The following CAMK1D variants were observed in gnomAD, a reference collection of about 807,000 sequenced individuals.
The protein encoded by CAMK1D is calcium/calmodulin-dependent protein kinase type 1D.
A neutral mutation model predicts 47.7 loss-of-function variants in CAMK1D; 9 were observed. The ratio of observed to expected loss-of-function variants is 0.19; its 90% CI spans 0.11 to 0.33. The LOEUF (loss-of-function observed/expected upper bound fraction) is 0.33, where lower values mean the gene tolerates loss of function less well. CAMK1D is among the 10% of genes least tolerant of loss of function. The probability of loss-of-function intolerance (pLI) is 1.00; values close to 1 mark genes in which losing one functional copy is unlikely to be tolerated. For synonymous variants in CAMK1D, 184 were observed against 184.9 expected, an observed-to-expected ratio of 0.99 and a Z score of 0.04; for missense variants, 291 against 488.7, an observed-to-expected ratio of 0.60 and a Z score of 3.81.
chr10:12,774,915 C>T (rs1837214197), intron 5 of CAMK1D, among the ~76,000 whole-genome samples: 1 of 152,264 alleles, frequency 6.6e-6, no homozygotes, highest in South Asian at 2.1e-4. Flanking sequence ...TTCCGTGAAA[C>T]GGGTTCTTTG....
At chr10:12,753,611 G>A (rs1179450314) in intron 3 of CAMK1D, among the ~76,000 whole-genome samples, 2 of 152,276 alleles carry the variant, frequency 1.3e-5, no homozygotes, top group South Asian at 2.1e-4. Flanking sequence ...CCTTCTGCCC[G>A]GAATGCTTTT....
chr10:12,509,590 G>A (rs757984037), intron 1 of CAMK1D, among the ~76,000 whole-genome samples: 3 of 152,066 alleles, frequency 2.0e-5, no homozygotes, highest in Non-Finnish European at 4.4e-5. Flanking sequence ...CTACAAAAAC[G>A]AAACAAAATG....
rs192274108 is a variant in CAMK1D at position 12,354,494 on chromosome 10, C to T, written c.92+4584C>T. 5.3e-4 allele frequency among the ~76,000 whole-genome samples: 79 copies of T among 150,158 alleles called. 1 individual carries two copies. Among genetic ancestry groups the T allele is most frequent in the Admixed American group, 4.8e-3 (72 of 15,026 alleles). ...AGGCTGGAGTGCAGTGGCGGGATCTCAGCTCACCGCAACCTCCGCCTCCCA... is the reference window on the plus strand; with the variant it reads ...AGGCTGGAGTGCAGTGGCGGGATCTTAGCTCACCGCAACCTCCGCCTCCCA... On this transcript the variant is annotated intron_variant, in intron 1 of 10. Coordinates refer to ENST00000619168, the MANE Select transcript of CAMK1D (RefSeq NM_153498.4).
In CAMK1D at chr10:12,734,408, ACACACACACACATG is replaced by A. The variant is rs1227361689; in HGVS notation, c.300-26539_300-26526del. On this transcript the variant is annotated intron_variant, in intron 3 of 10. Transcript: ENST00000619168. ...TAGATATAGATATATATATATATAC[ACACACACACACATG>A]TATATATATATACACACACACATAT... Among the ~76,000 whole-genome samples, 72 of 54,250 alleles carry A rather than the reference ACACACACACACATG, an allele frequency of 1.3e-3. 2 individuals are homozygous for A. Among genetic ancestry groups the A allele is most frequent in the African/African-American group, 4.6e-3 (69 of 15,080 alleles). 35.6% of individuals were successfully genotyped at this position (54,250 alleles called of 152,430 possible). A position where few individuals can be genotyped will look rare whatever the true frequency, so the allele number is the denominator to read the frequency against.
rs561560851 is a variant in CAMK1D at position 12,791,549 on chromosome 10, G to T, written c.641+316G>T. Among the ~76,000 whole-genome samples the T allele has an allele frequency of 4.6e-5, 7 of 152,230 alleles. No homozygotes were observed. In the East Asian group the frequency reaches 1.4e-3, roughly 29 times the overall value. On this transcript the variant is annotated intron_variant, in intron 6 of 10. Transcript: ENST00000619168. ...TCTCTATGAACTTGACTCTTCTGGG[G>T]ACCTCATATAAGTGGAATCACACAG...
chr10:12,528,795 G>T lies in CAMK1D; in HGVS notation c.93-24430G>T, dbSNP rs150841065. On this transcript the variant is annotated intron_variant, in intron 1 of 10. Coordinates refer to ENST00000619168, the MANE Select transcript of CAMK1D (RefSeq NM_153498.4). ...TCCTTTCTGTCACCCCGGCTGGATTGCAGTGATATGATCATGGCTCATTGC... is the reference window on the plus strand; with the variant it reads ...TCCTTTCTGTCACCCCGGCTGGATTTCAGTGATATGATCATGGCTCATTGC... 3.4e-3 allele frequency among the ~76,000 whole-genome samples: 498 copies of T among 146,076 alleles called. 5 individuals carry two copies. Among genetic ancestry groups the T allele is most frequent in the African/African-American group, 0.012 (479 of 39,238 alleles).
At chr10:12,387,352 T>TA (rs1838529401) in intron 1 of CAMK1D, among the ~76,000 whole-genome samples, 3 of 120,068 alleles carry the variant, frequency 2.5e-5, no homozygotes, top group African/African-American at 8.9e-5. Context: ...ATATATTATA[T>TA]TTTATATATA....
chr10:12,579,924 C>T (rs1204591671), intron 2 of CAMK1D, among the ~76,000 whole-genome samples: 1 of 152,046 alleles, frequency 6.6e-6, no homozygotes, highest in Non-Finnish European at 1.5e-5. Flanking sequence ...TTTGAACCTG[C>T]TTGTTGCCCT....
intron 5 of CAMK1D, among the ~76,000 whole-genome samples, chr10:12,785,181 A>G (rs1837669626): frequency 6.6e-6 from 1 of 152,158 alleles, no homozygotes; most frequent in South Asian, 2.1e-4. Context: ...GGTCCCTTGT[A>G]ATATCTCCAG....
rs187719199 is a variant in CAMK1D, at chr10:12,618,344, G to A, written c.225-48392G>A. Among the ~76,000 whole-genome samples the A allele has an allele frequency of 2.1e-3, 315 of 151,960 alleles. 1 individual carries two copies. Among genetic ancestry groups the A allele is most frequent in the Non-Finnish European group, 2.6e-3 (179 of 67,978 alleles). On this transcript the variant is annotated intron_variant, in intron 2 of 10. Transcript: ENST00000619168. ...TCAATAGATTTCATTCTGTTGCTTC[G>A]CACTTTCAATGCATGCTCTTTCTAA...
chr10:12,708,434 C>T (rs1833812780), intron 3 of CAMK1D, among the ~76,000 whole-genome samples: 2 of 152,216 alleles, frequency 1.3e-5, no homozygotes, highest in Non-Finnish European at 2.9e-5. Context: ...ACTCCCCCTT[C>T]CCTTCTTGCC....
chr10:12,481,113 C>T (rs769685902), intron 1 of CAMK1D, among the ~76,000 whole-genome samples: 2 of 152,210 alleles, frequency 1.3e-5, no homozygotes, highest in Non-Finnish European at 2.9e-5. Context: ...TCTACTAAGA[C>T]GTGGGCATAA....
At chr10:12,357,567 C>T (rs1837555232) in intron 1 of CAMK1D, among the ~76,000 whole-genome samples, 1 of 152,206 alleles carries the variant, frequency 6.6e-6, no homozygotes, top group Non-Finnish European at 1.5e-5. Context: ...CTGCTCACCT[C>T]AGCCTCACAA....
chr10:12,537,626 C>A (rs1564398449), intron 1 of CAMK1D, among the ~76,000 whole-genome samples: 1 of 152,298 alleles, frequency 6.6e-6, no homozygotes, highest in East Asian at 1.9e-4. Flanking sequence ...TCCTTCCCCG[C>A]ATCTGCAGGC....
chr10:12,745,937 C>T (rs1208295382), intron 3 of CAMK1D, among the ~76,000 whole-genome samples: 1 of 152,168 alleles, frequency 6.6e-6, no homozygotes, highest in East Asian at 1.9e-4. Context: ...CAGAATACCA[C>T]AACTCAAGAA....
chr10:12,470,503 T>G (rs1833712621), intron 1 of CAMK1D, among the ~76,000 whole-genome samples: 1 of 146,174 alleles, frequency 6.8e-6, no homozygotes, highest in Non-Finnish European at 1.5e-5. Flanking sequence ...ATGCTTCTTC[T>G]TCTTCTTTTT....
At chr10:12,437,316 C>T (rs1402775629) in intron 1 of CAMK1D, among the ~76,000 whole-genome samples, 1 of 152,046 alleles carries the variant, frequency 6.6e-6, no homozygotes, top group East Asian at 1.9e-4. Context: ...CTCAGTTTCC[C>T]AAGTAGCTGG....
intron 2 of CAMK1D, among the ~76,000 whole-genome samples, chr10:12,620,444 T>G (rs1001638619): frequency 2.0e-5 from 3 of 152,242 alleles, no homozygotes; most frequent in African/African-American, 4.8e-5. Context: ...TGCCGTCATT[T>G]TGTGATTTTA....
rs552146515 is a variant in CAMK1D, at chr10:12,540,400, A to T, written c.93-12825A>T. Among the ~76,000 whole-genome samples, 16 of 152,340 alleles carry T rather than the reference A, an allele frequency of 1.1e-4. 1 individual carries two copies. Among genetic ancestry groups the T allele is most frequent in the Admixed American group, 1.0e-3 (16 of 15,298 alleles). ...AGCCTGTCAGAGAAGTGAAGGAGGAAAGGAAGGAGTGCTATTAAACAAAGC... is the reference window on the plus strand; with the variant it reads ...AGCCTGTCAGAGAAGTGAAGGAGGATAGGAAGGAGTGCTATTAAACAAAGC... On this transcript the variant is annotated intron_variant, in intron 1 of 10. Transcript: ENST00000619168.
Sources: gnomAD v4.1 joint callset for allele counts (sites outside exome capture counted in the v4.1 genomes callset) on GRCh38, gnomAD v4.1.1 for gene constraint, MANE v1.5 for transcripts, NCBI Gene and HGNC (gene_info 2026-07-23, HGNC 2026-07-21) for gene names.